The following COG7 variants were observed in gnomAD, a reference collection of about 807,000 sequenced individuals.
The protein encoded by COG7 is component of oligomeric golgi complex 7.
COG7 carries 49 observed loss-of-function variants against 91.5 expected under a neutral mutation model. That is an observed-to-expected ratio of 0.54 (90% confidence interval 0.43 to 0.68). The LOEUF (loss-of-function observed/expected upper bound fraction) is 0.68, where lower values mean the gene tolerates loss of function less well. COG7 is among the 30% of genes least tolerant of loss of function. The pLI, the probability that COG7 is intolerant of heterozygous loss-of-function variation, is 0.00. For missense variants in COG7, 895 were observed against 961.3 expected, an observed-to-expected ratio of 0.93 and a Z score of 0.91; for synonymous variants, 365 against 388.7, an observed-to-expected ratio of 0.94 and a Z score of 0.72.
Position 23,453,139 on chromosome 16 carries a change from C to T in COG7, c.-145G>A. On this transcript the variant is annotated 5_prime_UTR_variant, in exon 1 of 17. Transcript: ENST00000307149. Reference sequence around the variant, plus strand: ...AAACGCCAGGACGGGTAACTTGCCCCTTTGCGCTTCCCCGCTCAGCGCACT... The same window carrying T: ...AAACGCCAGGACGGGTAACTTGCCCTTTTGCGCTTCCCCGCTCAGCGCACT... 6.9e-7 allele frequency: 1 copy of T among 1,457,994 alleles called. No homozygotes were observed. The highest frequency in any genetic ancestry group is 9.1e-7 in the Non-Finnish European group (1 of 1,102,478). 90.3% of individuals were successfully genotyped at this position (1,457,994 alleles called of 1,614,324 possible).
At chr16:23,443,605 C>T (rs530772798) in intron 3 of COG7, among the ~76,000 whole-genome samples, 6 of 152,076 alleles carry the variant, frequency 3.9e-5, no homozygotes, top group African/African-American at 7.2e-5. Context: ...GCAGGAGAAT[C>T]GCTTGAACCC....
At chr16:23,401,276 G>A (rs1264461965) in intron 13 of COG7, among the ~76,000 whole-genome samples, 1 of 152,184 alleles carries the variant, frequency 6.6e-6, no homozygotes, top group Non-Finnish European at 1.5e-5. Context: ...CCTTGGTATT[G>A]TGTGCTGGCA....
Position 23,392,475 on chromosome 16 carries a change from G to A in COG7, c.2051C>T (p.Ser684Leu), listed in dbSNP as rs776220532. 1.9e-6 allele frequency: 3 copies of A among 1,614,146 alleles called. No homozygotes were observed. The highest frequency in any genetic ancestry group is 1.7e-5 in the Admixed American group (1 of 60,016). Reference protein sequence around the residue: ...LDNMADNWLGSIARATMQTYC... With the variant: ...LDNMADNWLGLIARATMQTYC... The stretch of plus-strand genomic sequence containing the variant: ...GGTCTGCATTGTGGCTCTGGCGATC[G>A]AGCCCAGCCAGTTGTCAGCCATGTT... Residue 684 changes from serine to leucine, a missense_variant, in exon 16 of 17, where the codon TCG becomes TTG. By Grantham distance (145) the Ser-to-Leu change is moderately radical. Coordinates refer to ENST00000307149, the MANE Select transcript of COG7 (RefSeq NM_153603.4).
intron 9 of COG7, chr16:23,416,023 G>A (rs1021290149): frequency 6.6e-6 from 1 of 151,896 alleles, no homozygotes; most frequent in African/African-American, 2.4e-5. Context: ...GTATTATTTT[G>A]ATTTTTTTTT....
In COG7 at chr16:23,388,753, G is replaced by GAT; in HGVS notation, c.*166_*167insAT. 7.9e-7 allele frequency: 1 copy of GAT among 1,266,414 alleles called. No individual in the cohort carries two copies. The highest frequency in any genetic ancestry group is 1.1e-6 in the Non-Finnish European group (1 of 947,256). 78.4% of individuals were successfully genotyped at this position (1,266,414 alleles called of 1,614,324 possible). ...CTGGCTTCATGATCCATCTGGCTTG[G>GAT]CCTCCCAAAGTGCTGGGATTACAGG... On this transcript the variant is annotated 3_prime_UTR_variant, in exon 17 of 17. Coordinates refer to ENST00000307149, the MANE Select transcript of COG7 (RefSeq NM_153603.4).
chr16:23,413,927 C>T (rs1378644029), intron 9 of COG7: 5 of 251,682 alleles, frequency 2.0e-5, no homozygotes, highest in Admixed American at 9.9e-5. Context: ...TTAAACATCA[C>T]GGTCCCATGG....
intron 8 of COG7, among the ~76,000 whole-genome samples, chr16:23,417,681 C>T (rs1025675172): frequency 1.3e-5 from 2 of 152,136 alleles, no homozygotes; most frequent in Middle Eastern, 3.2e-3. Context: ...TCGCTTGAGC[C>T]TGGGAGATCA....
chr16:23,449,722 T>A (rs1242483990), intron 1 of COG7, among the ~76,000 whole-genome samples: 1 of 142,592 alleles, frequency 7.0e-6, no homozygotes, highest in South Asian at 2.3e-4. Flanking sequence ...TCGCACTCCA[T>A]CCTGGGCAAC....
chr16:23,422,716 C>G (rs1055566263), intron 7 of COG7, among the ~76,000 whole-genome samples: 3 of 151,754 alleles, frequency 2.0e-5, no homozygotes, highest in African/African-American at 7.3e-5. Flanking sequence ...AAAAGAAAAA[C>G]TAAAACTCTT....
At chr16:23,419,748 C>CAAAA (rs60636268) in intron 7 of COG7, among the ~76,000 whole-genome samples, 92 of 55,178 alleles carry the variant, frequency 1.7e-3, no homozygotes, top group East Asian at 5.2e-3. Flanking sequence ...GACTTCATCT[C>CAAAA]AAAAAAAAAA....
intron 6 of COG7, among the ~76,000 whole-genome samples, chr16:23,430,692 C>T (rs1467230029): frequency 6.6e-6 from 1 of 151,856 alleles, no homozygotes; most frequent in Non-Finnish European, 1.5e-5. Context: ...CAGGCGCCTG[C>T]CACCACGGCT....
chr16:23,396,890 G>T (rs148327003), intron 14 of COG7, among the ~76,000 whole-genome samples: 4 of 150,892 alleles, frequency 2.7e-5, no homozygotes, highest in Admixed American at 6.7e-5. Context: ...TGCACTTCTT[G>T]CAATTATACA....
chr16:23,416,756 G>C, intron 9 of COG7: 1 of 609,484 alleles, frequency 1.6e-6, no homozygotes. Flanking sequence ...CACATCTTAA[G>C]TAACCTTCCC....
At chr16:23,391,864 G>T in intron 16 of COG7, 1 of 364,438 alleles carries the variant, frequency 2.7e-6, no homozygotes, top group Non-Finnish European at 4.2e-6. Flanking sequence ...GATGCTATCT[G>T]GATGGAGACC....
At chr16:23,438,009 C>T (rs1330664508) in intron 4 of COG7, among the ~76,000 whole-genome samples, 1 of 149,790 alleles carries the variant, frequency 6.7e-6, no homozygotes. Flanking sequence ...CGCTTGAACC[C>T]GGGAGGCAGA....
At chr16:23,426,834 A>AAAAAG (rs1555495229) in intron 6 of COG7, among the ~76,000 whole-genome samples, 96 of 146,108 alleles carry the variant, frequency 6.6e-4, no homozygotes, top group African/African-American at 1.8e-3. Flanking sequence ...AAAAAAAAAA[A>AAAAAG]AAAGAAAGAA....
At chr16:23,409,088 T>TGTGTGTGTGTGTGCGCGCGCGC (rs567307217) in intron 11 of COG7, among the ~76,000 whole-genome samples, 1 of 147,806 alleles carries the variant, frequency 6.8e-6, no homozygotes, top group African/African-American at 2.5e-5. Flanking sequence ...TGTGTGTGTG[T>TGTGTGTGTGTGTGCGCGCGCGC]GCGTGCATGT....
chr16:23,397,047 C>A (rs1302664085), intron 14 of COG7, among the ~76,000 whole-genome samples: 3 of 152,094 alleles, frequency 2.0e-5, no homozygotes, highest in Non-Finnish European at 4.4e-5. Flanking sequence ...GTAGCTGGGA[C>A]CACAGGACAC....
At chr16:23,440,561 G>A (rs1002590066) in intron 4 of COG7, among the ~76,000 whole-genome samples, 7 of 151,208 alleles carry the variant, frequency 4.6e-5, no homozygotes, top group Middle Eastern at 3.4e-3. Context: ...GGGCTCAAGC[G>A]ATCCTTCTGC....
Sources: allele counts gnomAD v4.1 joint callset (sites outside exome capture counted in the v4.1 genomes callset), GRCh38; gene constraint gnomAD v4.1.1; transcripts MANE v1.5; gene names NCBI Gene and HGNC (gene_info 2026-07-23, HGNC 2026-07-21).